The following HPSE variants were observed in gnomAD, a reference collection of about 807,000 sequenced individuals.
HPSE encodes the protein endo-glucoronidase.
Under a neutral mutation model 65.1 loss-of-function variants are expected in HPSE, and 48 were observed. The ratio of observed to expected loss-of-function variants is 0.74; its 90% confidence interval spans 0.58 to 0.94. HPSE has a LOEUF of 0.94. HPSE is among the 40% of genes least tolerant of loss of function. The probability of loss-of-function intolerance (pLI) is 0.00; values close to 1 mark genes in which losing one functional copy is unlikely to be tolerated. For missense variants in HPSE, 644 were observed against 637.5 expected (o/e 1.01, Z -0.11); for synonymous variants, 243 against 260.0 (o/e 0.93, Z 0.63).
chr4:83,332,053 C>T (rs1235161766), intron 1 of HPSE, among the ~76,000 whole-genome samples: 1 of 152,236 alleles, frequency 6.6e-6, no homozygotes, highest in Non-Finnish European at 1.5e-5. Flanking sequence ...GTGCTTAGAA[C>T]AGGGCCAGGC....
chr4:83,307,522 C>T lies in HPSE; in HGVS notation c.1092-1205G>A, dbSNP rs142433682. Among the ~76,000 whole-genome samples, 9 of 152,260 alleles carry T rather than the reference C, an allele frequency of 5.9e-5. No individual in the cohort carries two copies. The East Asian group carries it at 1.7e-3, about 29-fold the overall frequency. On this transcript the variant is annotated intron_variant, in intron 8 of 11. Transcript: ENST00000311412. The stretch of plus-strand genomic sequence containing the variant: ...TCCCTTTCAGGGTGAGACAAATTCC[C>T]ACCTCTATAGACAATTCCTGGTCCT...
intron 1 of HPSE, among the ~76,000 whole-genome samples, chr4:83,333,150 C>T (rs116116604): frequency 0.017 from 2,514 of 152,216 alleles, 50 homozygotes; most frequent in Middle Eastern, 0.024. Context: ...AACAGAAAAC[C>T]GGTGAATGGC....
rs1007377700 is a variant in HPSE at position 83,309,026 on chromosome 4, A to T, written c.985-75T>A. On this transcript the variant is annotated intron_variant, in intron 7 of 11. Coordinates refer to ENST00000311412, the MANE Select transcript of HPSE (RefSeq NM_001098540.3). ...GTTTCAACTGTGGTGTTGAAGATTA[A>T]CAGCATTCAAAACTTTGTATTCCTA... 7 of 1,155,292 alleles carry T rather than the reference A, an allele frequency of 6.1e-6. No individual in the cohort carries two copies. The African/African-American group carries it at 7.6e-5, about 13-fold the overall frequency. 71.6% of individuals were successfully genotyped at this position (1,155,292 alleles called of 1,614,324 possible). A position where few individuals can be genotyped will look rare whatever the true frequency, so the allele number is the denominator to read the frequency against.
rs926155105 is a variant in HPSE, at chr4:83,293,518, T to C, written c.*1826A>G. The C allele has an allele frequency of 6.6e-6, 1 of 152,222 alleles. No homozygotes were observed. The highest frequency in any genetic ancestry group is 2.4e-5 in the African/African-American group (1 of 41,458). 9.4% of individuals were successfully genotyped at this position (152,222 alleles called of 1,614,324 possible). ...CCTGGCCTGTTTGAACGTCTAGTTA[T>C]GTGGGAATATACATTTCCTTATTGC... On this transcript the variant is annotated 3_prime_UTR_variant, in exon 12 of 12. Coordinates refer to ENST00000311412, the MANE Select transcript of HPSE (RefSeq NM_001098540.3).
At chr4:83,321,476 C>G (rs536081143) in intron 2 of HPSE, among the ~76,000 whole-genome samples, 1 of 152,114 alleles carries the variant, frequency 6.6e-6, no homozygotes, top group African/African-American at 2.4e-5. Context: ...ATTTTTTTCT[C>G]TTTAAATTAT....
intron 9 of HPSE, among the ~76,000 whole-genome samples, chr4:83,305,189 G>A (rs1736103998): frequency 6.6e-6 from 1 of 152,194 alleles, no homozygotes; most frequent in Non-Finnish European, 1.5e-5. Flanking sequence ...TAAGGCAAAG[G>A]TTTATGTCTG....
Position 83,293,232 on chromosome 4 carries a change from C to G in HPSE, c.*2112G>C, listed in dbSNP as rs374486340. ...GTGACTGGTGAAATGGCCACATTACCCATTTCTGAACAATAAGACATGAGG... is the reference window on the plus strand; with the variant it reads ...GTGACTGGTGAAATGGCCACATTACGCATTTCTGAACAATAAGACATGAGG... On this transcript the variant is annotated 3_prime_UTR_variant, in exon 12 of 12. Coordinates refer to ENST00000311412, the MANE Select transcript of HPSE (RefSeq NM_001098540.3). The G allele has an allele frequency of 6.6e-6, 1 of 152,220 alleles. No homozygotes were observed. Among genetic ancestry groups the G allele is most frequent in the South Asian group, 2.1e-4 (1 of 4,828 alleles). 9.4% of individuals were successfully genotyped at this position (152,220 alleles called of 1,614,324 possible).
At position 83,317,526 on chromosome 4, in the gene HPSE, G is replaced by A. The variant is rs182010582; in HGVS notation, c.499+1818C>T. Among the ~76,000 whole-genome samples the A allele has an allele frequency of 7.9e-5, 12 of 152,268 alleles. No individual in the cohort carries two copies. In the East Asian group the frequency reaches 1.7e-3, roughly 22 times the overall value. ...GTTGTACCTTTTAGCATTGCCAACA[G>A]GGTGGCTGGACTTACACTAACTAAC... On this transcript the variant is annotated intron_variant, in intron 3 of 11. Coordinates refer to ENST00000311412, the MANE Select transcript of HPSE (RefSeq NM_001098540.3).
intron 1 of HPSE, 71 bp downstream of exon 1, chr4:83,334,485 A>G: frequency 6.9e-7 from 1 of 1,456,152 alleles, no homozygotes; most frequent in Non-Finnish European, 9.2e-7. Context: ...AAAGAAGGAG[A>G]GCGGCTGGCG....
chr4:83,334,411 GAGGCGGGAAGTGGGGTGGGGAGAGAC>G, intron 1 of HPSE, 119 bp downstream of exon 1: 1 of 891,566 alleles, frequency 1.1e-6, no homozygotes, highest in Non-Finnish European at 1.7e-6. Flanking sequence ...GGGAGAATGA[GAGGCGGGAAGTGGGGTGGGGAGAGAC>G]AGGCGGGGAG....
chr4:83,334,898 C>T, upstream of HPSE: 2 of 1,414,868 alleles, frequency 1.4e-6, no homozygotes. Context: ...CGCCCCGTTA[C>T]GCCTCCTCAC....
chr4:83,322,748 C>T (rs970682309), intron 1 of HPSE, among the ~76,000 whole-genome samples: 21 of 150,134 alleles, frequency 1.4e-4, no homozygotes, highest in African/African-American at 4.9e-4. Flanking sequence ...CTTCTAGGAA[C>T]CTGAGGGCAA....
At chr4:83,324,891 C>T (rs1432091985) in intron 1 of HPSE, among the ~76,000 whole-genome samples, 1 of 152,126 alleles carries the variant, frequency 6.6e-6, no homozygotes, top group African/African-American at 2.4e-5. Context: ...CACCAAACTG[C>T]ATACCTTAAA....
intron 9 of HPSE, 87 bp downstream of exon 9, chr4:83,306,116 A>G (rs1364013434): frequency 1.4e-6 from 1 of 730,418 alleles, no homozygotes; most frequent in Non-Finnish European, 2.5e-6. Context: ...TACTGAGAGG[A>G]CTGACTGTTC....
chr4:83,315,394 C>T (rs1438181516), intron 3 of HPSE, among the ~76,000 whole-genome samples: 1 of 152,142 alleles, frequency 6.6e-6, no homozygotes, highest in African/African-American at 2.4e-5. Flanking sequence ...GCTTTAGGAT[C>T]ATCAGCCTAT....
At chr4:83,303,645 G>T (rs1012999454) in intron 9 of HPSE, among the ~76,000 whole-genome samples, 6 of 152,198 alleles carry the variant, frequency 3.9e-5, no homozygotes, top group African/African-American at 1.4e-4. Context: ...AACCTCCTGG[G>T]CTAAAGCGAT....
At chr4:83,310,533 G>A (rs924690520) in intron 5 of HPSE, among the ~76,000 whole-genome samples, 189 bp downstream of exon 5, 3 of 152,094 alleles carry the variant, frequency 2.0e-5, no homozygotes, top group African/African-American at 4.8e-5. Flanking sequence ...GTAGCCAGGT[G>A]TGGTGATGTG....
At chr4:83,311,483 T>C (rs1736373829) in intron 4 of HPSE, among the ~76,000 whole-genome samples, 1 of 151,998 alleles carries the variant, frequency 6.6e-6, no homozygotes, top group Non-Finnish European at 1.5e-5. Context: ...CTATATTCCA[T>C]ATCTAATAAC....
At chr4:83,300,161 A>G (rs1167893943) in intron 11 of HPSE, among the ~76,000 whole-genome samples, 2 of 152,240 alleles carry the variant, frequency 1.3e-5, no homozygotes, top group African/African-American at 2.4e-5. Context: ...TATAAGATGT[A>G]GTCAATAATT....
Sources: allele counts gnomAD v4.1 joint callset (sites outside exome capture counted in the v4.1 genomes callset), GRCh38; gene constraint gnomAD v4.1.1; transcripts MANE v1.5; gene names NCBI Gene and HGNC (gene_info 2026-07-23, HGNC 2026-07-21).